The following SLA2 variants were observed in gnomAD, a reference collection of about 807,000 sequenced individuals.
SLA2 encodes the protein Src like adaptor 2.
Under a neutral mutation model 27.3 loss-of-function variants are expected in SLA2, and 22 were observed. That is an observed-to-expected ratio of 0.81 (90% CI 0.58 to 1.15). The LOEUF (loss-of-function observed/expected upper bound fraction) is 1.15. Ranked by LOEUF, SLA2 falls within the 50% of genes most tolerant of loss-of-function variation. The probability of loss-of-function intolerance (pLI) is 0.00; values close to 1 mark genes in which losing one functional copy is unlikely to be tolerated. For synonymous variants in SLA2, 131 were observed against 137.8 expected (o/e 0.95, Z 0.34); for missense variants, 304 against 322.2 (o/e 0.94, Z 0.43).
rs1036681930 is a variant in SLA2, at chr20:36,612,535, T to A, written c.*1331A>T. Reference sequence around the variant, plus strand: ...TGTAGAATGTTTTCACATACTTGAATAAATCAAATCTTTAATTGAGAACCT... The same window carrying A: ...TGTAGAATGTTTTCACATACTTGAAAAAATCAAATCTTTAATTGAGAACCT... On this transcript the variant is annotated 3_prime_UTR_variant, in exon 8 of 8. Transcript: ENST00000262866. 5.2e-6 allele frequency: 2 copies of A among 383,904 alleles called. No individual in the cohort carries two copies. The highest frequency in any genetic ancestry group is 4.1e-5 in the African/African-American group (2 of 48,912). 23.8% of individuals were successfully genotyped at this position (383,904 alleles called of 1,614,324 possible).
rs1398832069 is a variant in SLA2 at position 36,632,675 on chromosome 20, C to T, written c.302G>A (p.Arg101Lys). The change falls in exon 5 of 8, where the codon AGG becomes AAG. Residue 101 changes from arginine to lysine, a missense_variant. Physicochemically the swap from Arg to Lys is conservative, Grantham distance 26. Coordinates refer to ENST00000262866, the MANE Select transcript of SLA2 (RefSeq NM_032214.4). ...CAACAGCAGTTCCTCTGCTTTCTCC[C>T]TGCTCAGGCCCTCATACAGCCACCT... is the stretch of plus-strand genomic sequence containing the variant. ...SHGWLYEGLSREKAEELLLLP... is the reference protein window; with the variant it reads ...SHGWLYEGLSKEKAEELLLLP... The T allele has an allele frequency of 1.9e-6, 3 of 1,614,152 alleles. No individual in the cohort carries two copies. In the South Asian group the frequency reaches 3.3e-5, roughly 18 times the overall value.
chr20:36,614,515 C>G (rs959804281), intron 6 of SLA2, 78 bp from the exon 7 acceptor site: 2 of 1,515,372 alleles, frequency 1.3e-6, no homozygotes, highest in East Asian at 4.6e-5. Flanking sequence ...TGACAGCCCT[C>G]TGCAGTTGGC....
chr20:36,634,493 G>A lies in SLA2; in HGVS notation c.188C>T (p.Ser63Phe). The change falls in exon 3 of 8, where the codon TCT (serine) becomes TTT (phenylalanine). Residue 63 changes from serine to phenylalanine, a missense_variant. By Grantham distance (155) the Ser-to-Phe change is radical. Transcript: ENST00000262866. ...LRLGEPLTIV[S>F]EDGDWWTVLS... ...TATCCAGTGCCCATGGACTTACTCA[G>A]AGACGATGGTCAATGGCTCCCCGAG... 4 of 1,607,306 alleles carry A rather than the reference G, an allele frequency of 2.5e-6. No homozygotes were observed. Among genetic ancestry groups the A allele is most frequent in the Non-Finnish European group, 3.4e-6 (4 of 1,175,640 alleles).
At chr20:36,625,259 G>A (rs1266939327) in intron 5 of SLA2, among the ~76,000 whole-genome samples, 2 of 62,194 alleles carry the variant, frequency 3.2e-5, no homozygotes, top group African/African-American at 6.6e-5. Context: ...TTTTGCTCTT[G>A]TTGCCCAGCC....
At chr20:36,644,880 T>G (rs1333387612) in intron 1 of SLA2, among the ~76,000 whole-genome samples, 1 of 149,974 alleles carries the variant, frequency 6.7e-6, no homozygotes, top group Non-Finnish European at 1.5e-5. Context: ...TTTTTTTTTT[T>G]TTTTTTTTTT....
In SLA2 at chr20:36,613,872, A is replaced by T; in HGVS notation, c.780T>A (p.Asp260Glu). 1 of 1,600,436 alleles carries T rather than the reference A, an allele frequency of 6.2e-7. No individual in the cohort carries two copies. The highest frequency in any genetic ancestry group is 8.5e-7 in the Non-Finnish European group (1 of 1,171,664). ...SLNDEAVSLDDA is the reference protein window; with the variant it reads ...SLNDEAVSLDEA ...TTTGGCCTCTCCTTTGGGCCTAGGC[A>T]TCATCCAAAGAGACAGCCTCGTCAT... The change falls in exon 8 of 8, where the codon GAT becomes GAA. Residue 260 changes from aspartate to glutamate, a missense_variant. Coordinates refer to ENST00000262866, the MANE Select transcript of SLA2 (RefSeq NM_032214.4).
At chr20:36,633,522 G>T (rs372412918) in intron 4 of SLA2, 21 bp downstream of exon 4, 12 of 1,599,122 alleles carry the variant, frequency 7.5e-6, no homozygotes, top group South Asian at 1.1e-5. Flanking sequence ...TCTGCAAGGC[G>T]GGCCTGGGGT....
intron 4 of SLA2, among the ~76,000 whole-genome samples, chr20:36,633,221 A>ACTGC (rs1269532798): frequency 6.6e-6 from 1 of 151,806 alleles, no homozygotes; most frequent in Non-Finnish European, 1.5e-5. Context: ...ACAGGTGCGC[A>ACTGC]CCACTGTGCC....
chr20:36,636,623 A>AAAATAT (rs1387991352), intron 2 of SLA2, among the ~76,000 whole-genome samples: 39 of 114,676 alleles, frequency 3.4e-4, no homozygotes, highest in African/African-American at 5.2e-4. Context: ...AAAAAAAAAA[A>AAAATAT]ATATATATAT....
At chr20:36,638,036 C>A (rs533980747) in intron 2 of SLA2, among the ~76,000 whole-genome samples, 1 of 151,590 alleles carries the variant, frequency 6.6e-6, no homozygotes, top group African/African-American at 2.4e-5. Context: ...GGATTACAGG[C>A]ACCCACCACC....
intron 5 of SLA2, among the ~76,000 whole-genome samples, chr20:36,618,402 A>AT (rs1424013494): frequency 6.6e-6 from 1 of 150,954 alleles, no homozygotes; most frequent in Admixed American, 6.6e-5. Flanking sequence ...ATGCCCGGCT[A>AT]TTTTTTTGTT....
At chr20:36,624,949 G>A (rs1442197185) in intron 5 of SLA2, among the ~76,000 whole-genome samples, 3 of 151,962 alleles carry the variant, frequency 2.0e-5, no homozygotes, top group Non-Finnish European at 4.4e-5. Context: ...CCTGTTTGGG[G>A]GGCAGTCTCT....
Position 36,632,645 on chromosome 20 carries a change from G to A in SLA2, c.332C>T (p.Pro111Leu), listed in dbSNP as rs1468206320. The A allele has an allele frequency of 6.2e-7, 1 of 1,614,202 alleles. No individual in the cohort carries two copies. Among genetic ancestry groups the A allele is most frequent in the Non-Finnish European group, 8.5e-7 (1 of 1,180,024 alleles). ...GAGGAAGGCCCCTCCAGGGTTCCCA[G>A]GTAACAACAGCAGTTCCTCTGCTTT... ...REKAEELLLL[P>L]GNPGGAFLIR... is the part of the protein sequence containing the mutation. The change falls in exon 5 of 8, where the codon CCT becomes CTT. Residue 111 changes from proline to leucine, a missense_variant. Physicochemically the swap from Pro to Leu is moderately conservative, Grantham distance 98. Coordinates refer to ENST00000262866, the MANE Select transcript of SLA2 (RefSeq NM_032214.4).
At chr20:36,643,717 C>T (rs559007509) in intron 1 of SLA2, among the ~76,000 whole-genome samples, 4 of 152,156 alleles carry the variant, frequency 2.6e-5, no homozygotes, top group Non-Finnish European at 4.4e-5. Context: ...TTTGGGAGGC[C>T]GAGGTGGGCA....
chr20:36,615,567 G>T (rs1246775990), intron 5 of SLA2, among the ~76,000 whole-genome samples, 193 bp from the exon 6 acceptor site: 4 of 152,178 alleles, frequency 2.6e-5, no homozygotes, highest in Non-Finnish European at 5.9e-5. Context: ...TCTTGTGAGG[G>T]TGAAATCAAA....
chr20:36,631,180 T>A (rs985322477), intron 5 of SLA2, among the ~76,000 whole-genome samples: 7 of 152,040 alleles, frequency 4.6e-5, no homozygotes, highest in Non-Finnish European at 1.0e-4. Flanking sequence ...TGAAATGGAG[T>A]CTGGCTCTGT....
intron 1 of SLA2, among the ~76,000 whole-genome samples, chr20:36,645,304 C>G (rs948548759): frequency 6.6e-6 from 1 of 151,300 alleles, no homozygotes. Context: ...TGGTTCAAGT[C>G]TATAGTTAGT....
rs377479685 is a variant in SLA2, at chr20:36,632,622, G to C, written c.355C>G (p.Leu119Val). Residue 119 changes from leucine (L) to valine (V), a missense_variant, in exon 5 of 8, where the codon CTC (leucine) becomes GTC (valine). By Grantham distance (32) the Leu-to-Val change is conservative. Coordinates refer to ENST00000262866, the MANE Select transcript of SLA2 (RefSeq NM_032214.4). ...LLPGNPGGAF[L>V]IRESQTRRGS... ...CTCCTGGTCTGGCTCTCCCGGATGA[G>C]GAAGGCCCCTCCAGGGTTCCCAGGT... 6.2e-7 allele frequency: 1 copy of C among 1,614,078 alleles called. No homozygotes were observed. Among genetic ancestry groups the C allele is most frequent in the African/African-American group, 1.3e-5 (1 of 74,932 alleles).
At chr20:36,637,417 G>T (rs750928814) in intron 2 of SLA2, among the ~76,000 whole-genome samples, 1 of 151,234 alleles carries the variant, frequency 6.6e-6, no homozygotes, top group Admixed American at 6.6e-5. Context: ...GGCTGGTCTC[G>T]AACTCCTGAC....
Sources: gnomAD v4.1 joint callset for allele counts (sites outside exome capture counted in the v4.1 genomes callset) on GRCh38, gnomAD v4.1.1 for gene constraint, MANE v1.5 for transcripts, NCBI Gene and HGNC (gene_info 2026-07-23, HGNC 2026-07-21) for gene names.